UBXN11: variants seen among roughly 807,000 people sequenced by gnomAD.
UBXN11 encodes UBX domain protein 11.
A neutral mutation model predicts 62.8 loss-of-function variants in UBXN11; 47 were observed. The ratio of observed to expected loss-of-function variants is 0.75; its 90% CI spans 0.59 to 0.95. The LOEUF (loss-of-function observed/expected upper bound fraction) is 0.95. Ranked by LOEUF, UBXN11 falls within the 40% of genes least tolerant of loss-of-function variation. UBXN11 has a pLI of 0.00. For synonymous variants in UBXN11, 294 were observed against 267.0 expected, an observed-to-expected ratio of 1.10 and a Z score of -0.99; for missense variants, 638 against 661.7, an observed-to-expected ratio of 0.96 and a Z score of 0.39.
chr1:26,288,329 C>T (rs1447083340), intron 8 of UBXN11, among the ~76,000 whole-genome samples: 2 of 151,942 alleles, frequency 1.3e-5, no homozygotes, highest in Non-Finnish European at 2.9e-5. Context: ...CAAGAAACGA[C>T]GAAGGGGAAG....
At position 26,297,464 on chromosome 1, in the gene UBXN11, G is replaced by A. The variant is rs748524484; in HGVS notation, c.318C>T (p.Ala106=). 105 of 1,556,224 alleles carry A rather than the reference G, an allele frequency of 6.7e-5. No individual in the cohort carries two copies. The highest frequency in any genetic ancestry group is 8.9e-5 in the Non-Finnish European group (102 of 1,149,674). Residue 106 remains alanine, a synonymous_variant, in exon 6 of 15, where the codon GCC becomes GCT. Transcript: ENST00000374222. ...GGAGGGTCTGCACCAGGTCCTCTAG[G>A]GCCGCTATCTTCTGATCCTGTAGCA... ...EILSKDQKIA[A]LEDLVQTLRP...
chr1:26,313,256 T>C (rs909135254), intron 1 of UBXN11, among the ~76,000 whole-genome samples: 1 of 152,160 alleles, frequency 6.6e-6, no homozygotes, highest in Non-Finnish European at 1.5e-5. Context: ...GAGACTGTGC[T>C]AGGCCCCAGG....
At chr1:26,309,861 G>A (rs781677366), upstream of UBXN11, among the ~76,000 whole-genome samples, 2 of 152,036 alleles carry the variant, frequency 1.3e-5, no homozygotes, top group Non-Finnish European at 2.9e-5. Flanking sequence ...AGCATGAGTG[G>A]GGACAACAGC....
chr1:26,289,028 C>T (rs751650790), intron 8 of UBXN11, among the ~76,000 whole-genome samples: 55 of 152,108 alleles, frequency 3.6e-4, no homozygotes, highest in Admixed American at 9.8e-4. Flanking sequence ...TGAGAGCCCA[C>T]GAGTGTATTA....
At chr1:26,298,334 T>C (rs2073445485) in intron 4 of UBXN11, among the ~76,000 whole-genome samples, 1 of 152,184 alleles carries the variant, frequency 6.6e-6, no homozygotes, top group African/African-American at 2.4e-5. Context: ...GTGTAACATA[T>C]GGGTGACATC....
At chr1:26,313,890 C>T (rs186661617) in intron 1 of UBXN11, among the ~76,000 whole-genome samples, 168 of 151,284 alleles carry the variant, frequency 1.1e-3, no homozygotes, top group African/African-American at 4.0e-3. Flanking sequence ...ATGCCATTCT[C>T]CTACCTCAGC....
upstream of UBXN11, among the ~76,000 whole-genome samples, chr1:26,311,590 G>A (rs1376681016): frequency 4.0e-5 from 6 of 149,336 alleles, no homozygotes; most frequent in East Asian, 2.0e-4. Context: ...TTACAGGCAC[G>A]TGCCACCATG....
chr1:26,291,005 G>A (rs1270227093), intron 8 of UBXN11, among the ~76,000 whole-genome samples: 2 of 152,162 alleles, frequency 1.3e-5, no homozygotes, highest in African/African-American at 4.8e-5. Context: ...GGCAGAGAGA[G>A]GGGGAGAGTG....
At chr1:26,317,671 T>G (rs1048270747) in intron 1 of UBXN11, among the ~76,000 whole-genome samples, 9 of 152,192 alleles carry the variant, frequency 5.9e-5, no homozygotes, top group African/African-American at 2.2e-4. Context: ...GTCTCAGAGC[T>G]GGTCAGTGAT....
At chr1:26,298,942 C>T (rs2073461415) in intron 4 of UBXN11, among the ~76,000 whole-genome samples, 1 of 152,100 alleles carries the variant, frequency 6.6e-6, no homozygotes, top group African/African-American at 2.4e-5. Context: ...CATGTCAAGG[C>T]AGGTTCAGTG....
intron 8 of UBXN11, among the ~76,000 whole-genome samples, chr1:26,288,630 T>C (rs1187405894): frequency 6.6e-6 from 1 of 152,138 alleles, no homozygotes; most frequent in Non-Finnish European, 1.5e-5. Flanking sequence ...GGGCAAGTCC[T>C]AGGTCTGCCC....
chr1:26,294,781 T>C (rs2073354764), intron 7 of UBXN11, among the ~76,000 whole-genome samples: 1 of 152,198 alleles, frequency 6.6e-6, no homozygotes, highest in Non-Finnish European at 1.5e-5. Context: ...ACTGTCTACA[T>C]GTCCACACCC....
At position 26,304,960 on chromosome 1, in the gene UBXN11, GCTAA is replaced by G. The variant is rs549499064; in HGVS notation, c.-36+1628_-36+1631del. On this transcript the variant is annotated intron_variant, in intron 1 of 14. Transcript: ENST00000374222. ...CCTACCTGCACCCTTCCCTTGGCCA[GCTAA>G]CTCTTTTTTTTCCCCTTCAGTTTGT... Among the ~76,000 whole-genome samples the G allele has an allele frequency of 1.5e-4, 22 of 151,230 alleles. No individual in the cohort carries two copies. The South Asian group carries it at 1.9e-3, about 13-fold the overall frequency.
intron 1 of UBXN11, among the ~76,000 whole-genome samples, chr1:26,312,155 G>T (rs1424638892): frequency 6.6e-6 from 1 of 151,830 alleles, no homozygotes; most frequent in Admixed American, 6.6e-5. Context: ...AAGTTCAAAT[G>T]TCCCCTCCCC....
At chr1:26,300,567 G>A (rs2073506363) in intron 4 of UBXN11, among the ~76,000 whole-genome samples, 1 of 152,176 alleles carries the variant, frequency 6.6e-6, no homozygotes, top group South Asian at 2.1e-4. Context: ...AAGCTAAGCA[G>A]ACTGTCTAGG....
chr1:26,293,724 CAAAAA>C (rs1163207554), intron 8 of UBXN11, among the ~76,000 whole-genome samples: 11 of 26,940 alleles, frequency 4.1e-4, no homozygotes, highest in Admixed American at 7.6e-4. Context: ...GACTCCGTCT[CAAAAA>C]AAAAAAAAAA....
At chr1:26,311,599 T>C (rs1454017555), upstream of UBXN11, among the ~76,000 whole-genome samples, 1 of 151,340 alleles carries the variant, frequency 6.6e-6, no homozygotes, top group African/African-American at 2.4e-5. Context: ...CGTGCCACCA[T>C]GCCCAGCTAA....
intron 10 of UBXN11, 72 bp downstream of exon 10, chr1:26,285,392 T>G (rs1570083682): frequency 1.3e-6 from 2 of 1,565,568 alleles, no homozygotes; most frequent in East Asian, 2.3e-5. Flanking sequence ...GAATGGGAGG[T>G]GTCTGGGGAG....
At chr1:26,313,782 C>CTTTTTTTTTTTTTT (rs56037016) in intron 1 of UBXN11, among the ~76,000 whole-genome samples, 1 of 125,904 alleles carries the variant, frequency 7.9e-6, no homozygotes, top group African/African-American at 2.9e-5. Flanking sequence ...AATTTTTTTT[C>CTTTTTTTTTTTTTT]TTTTTTTTTT....
Sources: gnomAD v4.1 joint callset for allele counts (sites outside exome capture counted in the v4.1 genomes callset) on GRCh38, gnomAD v4.1.1 for gene constraint, MANE v1.5 for transcripts, NCBI Gene and HGNC (gene_info 2026-07-23, HGNC 2026-07-21) for gene names.